Variants in MEIKIN observed in about 807,000 individuals in gnomAD.
The protein encoded by MEIKIN is meiotic kinetochore factor, also known as meiosis-specific kinetochore protein.
intron 6 of MEIKIN, among the ~76,000 whole-genome samples, chr5:131,920,697 ATT>A (rs59138710): frequency 9.3e-4 from 132 of 142,192 alleles, no homozygotes; most frequent in African/African-American, 3.2e-3. Context: ...GCATAACTTC[ATT>A]TTTTTTTTTT....
At chr5:131,809,419 T>G (rs781331339) in intron 12 of MEIKIN, among the ~76,000 whole-genome samples, 2 of 152,198 alleles carry the variant, frequency 1.3e-5, no homozygotes, top group Non-Finnish European at 2.9e-5. Flanking sequence ...TATACACACT[T>G]ACCTGACATA....
chr5:131,847,086 A>G (rs1201112073), intron 11 of MEIKIN, among the ~76,000 whole-genome samples: 1 of 152,124 alleles, frequency 6.6e-6, no homozygotes, highest in Non-Finnish European at 1.5e-5. Context: ...AAATTCAAAT[A>G]TTTCACTACA....
intron 11 of MEIKIN, among the ~76,000 whole-genome samples, chr5:131,835,937 GGTTT>G (rs1252625682): frequency 3.9e-5 from 6 of 152,088 alleles, no homozygotes; most frequent in African/African-American, 1.4e-4. Flanking sequence ...TACAGGTAGA[GGTTT>G]GTTATTAGGT....
Position 131,835,318 on chromosome 5 carries a change from G to A in MEIKIN, c.975+15946C>T, listed in dbSNP as rs183678897. On this transcript the variant is annotated intron_variant, in intron 11 of 12. Coordinates refer to ENST00000442687, the MANE Select transcript of MEIKIN (RefSeq NM_001303622.2). ...AAATATTTTCTAACATTCTATAGGT[G>A]TGTATTCATCACGTTGTTTTCTTTG... 4.0e-4 allele frequency among the ~76,000 whole-genome samples: 61 copies of A among 152,088 alleles called. 1 individual carries two copies. The highest frequency in any genetic ancestry group is 3.7e-3 in the Admixed American group (57 of 15,270).
intron 11 of MEIKIN, among the ~76,000 whole-genome samples, chr5:131,819,308 T>TAAA (rs1363804293): frequency 6.7e-6 from 1 of 150,252 alleles, no homozygotes. Context: ...GTCTCCAGAA[T>TAAA]AAAAAAATAC....
intron 8 of MEIKIN, among the ~76,000 whole-genome samples, chr5:131,889,811 C>T (rs1048193003): frequency 2.4e-4 from 36 of 152,146 alleles, no homozygotes; most frequent in African/African-American, 8.2e-4. Context: ...GGAATGCTTC[C>T]AGTTTTTGGC....
At chr5:131,897,641 C>T (rs1751075784) in intron 8 of MEIKIN, among the ~76,000 whole-genome samples, 1 of 152,034 alleles carries the variant, frequency 6.6e-6, no homozygotes, top group South Asian at 2.1e-4. Flanking sequence ...TTAATTTGAT[C>T]CTCAATCACT....
At chr5:131,871,275 C>A (rs1750490995) in intron 9 of MEIKIN, among the ~76,000 whole-genome samples, 1 of 152,192 alleles carries the variant, frequency 6.6e-6, no homozygotes, top group Non-Finnish European at 1.5e-5. Context: ...ACAGACGGCA[C>A]CTGGAAAATT....
At chr5:131,939,907 T>TAAATGTA (rs1751840503) in intron 4 of MEIKIN, among the ~76,000 whole-genome samples, 2 of 152,222 alleles carry the variant, frequency 1.3e-5, no homozygotes, top group Admixed American at 1.3e-4. Context: ...AATGGTATTT[T>TAAATGTA]CTCTAAATAG....
rs1751940846 is a variant in MEIKIN at position 131,945,169 on chromosome 5, A to G, written c.187T>C (p.Ser63Pro). Residue 63 changes from serine to proline, a missense_variant, in exon 2 of 13, where the codon TCT becomes CCT. By Grantham distance (74) the Ser-to-Pro change is moderately conservative (BLOSUM62 -1). Coordinates refer to ENST00000442687, the MANE Select transcript of MEIKIN (RefSeq NM_001303622.2). ...GAGGCTACATACCTGAACGGCCCAG[A>G]GCCGCTACCTCCCTGCCTGCTCCGC... is the stretch of plus-strand genomic sequence containing the variant. ...AERSRQGGSGSGPFSPRLGVT... is the reference protein window; with the variant it reads ...AERSRQGGSGPGPFSPRLGVT... 5 of 399,066 alleles carry G rather than the reference A, an allele frequency of 1.3e-5. No individual in the cohort carries two copies. Among genetic ancestry groups the G allele is most frequent in the Non-Finnish European group, 1.8e-5 (4 of 226,154 alleles). 24.7% of individuals were successfully genotyped at this position (399,066 alleles called of 1,614,324 possible). A position where few individuals can be genotyped will look rare whatever the true frequency, so the allele number is the denominator to read the frequency against.
At chr5:131,845,516 T>C (rs1311555312) in intron 11 of MEIKIN, among the ~76,000 whole-genome samples, 1 of 151,134 alleles carries the variant, frequency 6.6e-6, no homozygotes, top group Non-Finnish European at 1.5e-5. Flanking sequence ...CTTTAAAAGA[T>C]GCTCAAAGAA....
chr5:131,897,782 A>G (rs892805345), intron 8 of MEIKIN, among the ~76,000 whole-genome samples: 3 of 152,136 alleles, frequency 2.0e-5, no homozygotes. Flanking sequence ...CTAGTTAGCC[A>G]TTCGTCTAAC....
intron 11 of MEIKIN, among the ~76,000 whole-genome samples, chr5:131,821,874 T>C (rs1016621235): frequency 6.6e-6 from 1 of 151,800 alleles, no homozygotes; most frequent in Admixed American, 6.6e-5. Context: ...ATCCTCCCAC[T>C]TTGGCCTCCC....
chr5:131,937,185 C>A, intron 4 of MEIKIN, among the ~76,000 whole-genome samples: 1 of 152,102 alleles, frequency 6.6e-6, no homozygotes, highest in East Asian at 1.9e-4. Context: ...TCCTGGTTCA[C>A]GAACATCTGC....
chr5:131,855,931 T>C (rs1240990434), intron 9 of MEIKIN, among the ~76,000 whole-genome samples: 2 of 152,212 alleles, frequency 1.3e-5, no homozygotes, highest in Admixed American at 6.5e-5. Context: ...TTTTCGGCCT[T>C]TAGACTCCAT....
chr5:131,944,818 C>T (rs1751933866), intron 2 of MEIKIN, 66 bp from the exon 3 acceptor site: 1 of 398,892 alleles, frequency 2.5e-6, no homozygotes, highest in Admixed American at 4.4e-5. Flanking sequence ...TCTGTTCAGA[C>T]TCTTTAGAAT....
intron 11 of MEIKIN, among the ~76,000 whole-genome samples, chr5:131,827,941 A>G (rs1312520835): frequency 2.6e-5 from 4 of 151,972 alleles, no homozygotes; most frequent in Non-Finnish European, 5.9e-5. Context: ...CCAGCTACTC[A>G]GGACGGCTGA....
intron 12 of MEIKIN, among the ~76,000 whole-genome samples, chr5:131,817,993 A>G (rs1487167534): frequency 1.3e-5 from 2 of 152,196 alleles, no homozygotes; most frequent in African/African-American, 4.8e-5. Context: ...AAACAAAACA[A>G]AACAAAAAAA....
chr5:131,862,526 T>TGG (rs1750304696), intron 9 of MEIKIN, among the ~76,000 whole-genome samples: 1 of 152,184 alleles, frequency 6.6e-6, no homozygotes, highest in African/African-American at 2.4e-5. Context: ...AGTGCATCAC[T>TGG]AAATTCTTTA....
Sources: gnomAD v4.1 joint callset for allele counts (sites outside exome capture counted in the v4.1 genomes callset) on GRCh38, gnomAD v4.1.1 for gene constraint, MANE v1.5 for transcripts, NCBI Gene and HGNC (gene_info 2026-07-23, HGNC 2026-07-21) for gene names.